The following NLRP5 variants were observed in gnomAD, a reference collection of about 807,000 sequenced individuals.
The protein encoded by NLRP5 is NLR family pyrin domain containing 5.
NLRP5 carries 93 observed loss-of-function variants against 113.1 expected under a neutral mutation model. That is an observed-to-expected ratio of 0.82 (90% confidence interval 0.70 to 0.98). The LOEUF (loss-of-function observed/expected upper bound fraction) is 0.98, where lower values mean the gene tolerates loss of function less well. NLRP5 is among the 50% of genes least tolerant of loss of function. NLRP5 has a pLI of 0.00. For synonymous variants in NLRP5, 751 were observed against 600.7 expected (o/e 1.25, Z -3.66); for missense variants, 1,808 against 1,514.3 (o/e 1.19, Z -3.22).
intron 3 of NLRP5, among the ~76,000 whole-genome samples, chr19:56,011,805 T>C (rs1488026225): frequency 6.6e-6 from 1 of 151,800 alleles, no homozygotes; most frequent in Non-Finnish European, 1.5e-5. Flanking sequence ...GCGATTCTCC[T>C]GTCTGCCTCC....
Position 56,050,448 on chromosome 19 carries a change from C to G in NLRP5, c.2988C>G (p.Gly996=), listed in dbSNP as rs114463101. ...ATCAGTGCCACCTGGACACGGCTGG[C>G]TGTGGTTTTCTTGCACTTGCGCTTA... Residue 996 remains glycine, a synonymous_variant, in exon 12 of 15, where the codon GGC becomes GGG. Transcript: ENST00000390649. 1.9e-6 allele frequency: 3 copies of G among 1,613,744 alleles called. No individual in the cohort carries two copies. Among genetic ancestry groups the G allele is most frequent in the African/African-American group, 2.7e-5 (2 of 74,910 alleles).
Position 56,050,635 on chromosome 19 carries a change from G to C in NLRP5, c.3128+47G>C, listed in dbSNP as rs760802517. On this transcript the variant is annotated intron_variant, in intron 12 of 14. Transcript: ENST00000390649. ...GGTCAACTCTATCATACTGGGGTCT[G>C]GAGTTCCTGAAAGGTCAAGAGATAG... The C allele has an allele frequency of 3.8e-6, 6 of 1,564,944 alleles. No homozygotes were observed. In the African/African-American group the frequency reaches 8.2e-5, roughly 21 times the overall value.
At chr19:56,033,508 C>A in intron 8 of NLRP5, 34 bp from the exon 9 acceptor site, 1 of 1,534,830 alleles carries the variant, frequency 6.5e-7, no homozygotes, top group Non-Finnish European at 8.9e-7. Flanking sequence ...TAAACATCAC[C>A]AGTGTCGAAT....
intron 11 of NLRP5, among the ~76,000 whole-genome samples, chr19:56,045,967 G>A (rs182509836): frequency 6.6e-6 from 1 of 152,232 alleles, no homozygotes; most frequent in East Asian, 1.9e-4. Flanking sequence ...GTGTACATGT[G>A]GGTCACAGAG....
At chr19:56,015,860 C>G in intron 4 of NLRP5, 62 bp downstream of exon 4, 2 of 1,305,978 alleles carry the variant, frequency 1.5e-6, no homozygotes, top group Non-Finnish European at 2.1e-6. Context: ...GAGAGAAGTT[C>G]ATGTAGTTCA....
intron 11 of NLRP5, among the ~76,000 whole-genome samples, chr19:56,043,665 A>G (rs1209756405): frequency 6.9e-6 from 1 of 144,570 alleles, no homozygotes; most frequent in Non-Finnish European, 1.5e-5. Flanking sequence ...TCCTGGGTTC[A>G]TGCCATTCTC....
intron 11 of NLRP5, among the ~76,000 whole-genome samples, chr19:56,042,252 T>A (rs1275577958): frequency 1.3e-5 from 2 of 152,096 alleles, no homozygotes; most frequent in Non-Finnish European, 2.9e-5. Context: ...TACTACTGCA[T>A]TTATTAGTTG....
chr19:56,029,619 C>T (rs1348103042), intron 7 of NLRP5, among the ~76,000 whole-genome samples: 1 of 152,156 alleles, frequency 6.6e-6, no homozygotes, highest in Non-Finnish European at 1.5e-5. Context: ...TAGTGCAGGT[C>T]TAGAAAACAC....
intron 14 of NLRP5, among the ~76,000 whole-genome samples, chr19:56,059,113 G>A (rs149493067): frequency 6.0e-4 from 91 of 152,304 alleles, no homozygotes; most frequent in African/African-American, 1.8e-3. Context: ...GAATTCTGGC[G>A]ATAGATGGTT....
At chr19:56,051,935 C>CTT (rs1228666703) in intron 12 of NLRP5, among the ~76,000 whole-genome samples, 1 of 152,204 alleles carries the variant, frequency 6.6e-6, no homozygotes, top group East Asian at 1.9e-4. Flanking sequence ...AGTTCACAAA[C>CTT]TTCTGAGTGC....
chr19:55,988,127 T>C, the NLRP5 span: 2 of 443,906 alleles, frequency 4.5e-6, no homozygotes, highest in Non-Finnish European at 8.3e-6. Flanking sequence ...GCGTGGTGGC[T>C]CACGCCTGTA....
rs1170621325 is a variant in NLRP5, at chr19:56,027,397, C to T, written c.1164C>T (p.Phe388=). ...ACTGGGCTGAGAAGCAGCCTCCGTT[C>T]ACCCTCATACGCAGTCTGCTGAGGA... Residue 388 remains phenylalanine (F), a synonymous_variant, in exon 7 of 15, where the codon TTC becomes TTT. Coordinates refer to ENST00000390649, the MANE Select transcript of NLRP5 (RefSeq NM_153447.4). The T allele has an allele frequency of 1.2e-6, 2 of 1,613,508 alleles. No homozygotes were observed. Among genetic ancestry groups the T allele is most frequent in the East Asian group, 4.5e-5 (2 of 44,878 alleles).
At chr19:55,994,803 CTT>C (rs202121983), upstream of NLRP5, among the ~76,000 whole-genome samples, 3,208 of 152,276 alleles carry the variant, frequency 0.021, 65 homozygotes, top group Admixed American at 0.064. Context: ...CTTTTGAAGT[CTT>C]AGCCGCAAAA....
intron 5 of NLRP5, among the ~76,000 whole-genome samples, chr19:56,020,150 C>A (rs1982561983): frequency 6.6e-6 from 1 of 151,886 alleles, no homozygotes; most frequent in South Asian, 2.1e-4. Flanking sequence ...ATTTTAATAA[C>A]TTGTGCAAGT....
intron 2 of NLRP5, among the ~76,000 whole-genome samples, chr19:56,007,994 T>C (rs150034375): frequency 0.22 from 29,733 of 137,396 alleles, 5,431 homozygotes; most frequent in Non-Finnish European, 0.3. Flanking sequence ...AGTGGCGCGA[T>C]CTCGGCTCAC....
Position 56,008,785 on chromosome 19 carries a change from C to A in NLRP5, c.443-3C>A. The A allele has an allele frequency of 1.2e-6, 2 of 1,607,650 alleles. No individual in the cohort carries two copies. Among genetic ancestry groups the A allele is most frequent in the Non-Finnish European group, 1.7e-6 (2 of 1,176,928 alleles). On this transcript the variant is annotated splice_region_variant and splice_polypyrimidine_tract_variant and intron_variant, in intron 2 of 14. Coordinates refer to ENST00000390649, the MANE Select transcript of NLRP5 (RefSeq NM_153447.4). Reference sequence around the variant, plus strand: ...CCAGTCTCCCTTTTTCTTTGTCTTCCAGGACATTCACCAGAAGATCCTGAA... The same window carrying A: ...CCAGTCTCCCTTTTTCTTTGTCTTCAAGGACATTCACCAGAAGATCCTGAA...
chr19:56,035,154 G>A (rs1217490234), intron 9 of NLRP5, among the ~76,000 whole-genome samples: 1 of 152,170 alleles, frequency 6.6e-6, no homozygotes, highest in Non-Finnish European at 1.5e-5. Flanking sequence ...TGGCCAGGCT[G>A]TCCTCGAACT....
At chr19:56,024,085 A>G (rs1273947580) in intron 6 of NLRP5, among the ~76,000 whole-genome samples, 2 of 152,100 alleles carry the variant, frequency 1.3e-5, no homozygotes, top group African/African-American at 2.4e-5. Flanking sequence ...ACAAAAACTA[A>G]ATGCATAAAA....
chr19:56,018,077 C>T (rs933039373), intron 4 of NLRP5, among the ~76,000 whole-genome samples: 3 of 152,216 alleles, frequency 2.0e-5, no homozygotes, highest in African/African-American at 7.2e-5. Flanking sequence ...TGTATATACA[C>T]AATGGGTTAT....
Sources: allele counts gnomAD v4.1 joint callset (sites outside exome capture counted in the v4.1 genomes callset), GRCh38; gene constraint gnomAD v4.1.1; transcripts MANE v1.5; gene names NCBI Gene and HGNC (gene_info 2026-07-23, HGNC 2026-07-21).